Variants in MYO6 observed in about 807,000 individuals in gnomAD.
The protein encoded by MYO6 is unconventional myosin-VI.
A neutral mutation model predicts 178.7 loss-of-function variants in MYO6; 74 were observed. That is an observed-to-expected ratio of 0.41 (90% CI 0.34 to 0.50). MYO6 has a LOEUF of 0.50. Ranked by LOEUF, MYO6 falls within the 20% of genes least tolerant of loss-of-function variation. MYO6 has a pLI of 0.09. For missense variants in MYO6, 1,330 were observed against 1,547.4 expected, an observed-to-expected ratio of 0.86 and a Z score of 2.36; for synonymous variants, 477 against 504.6, an observed-to-expected ratio of 0.95 and a Z score of 0.73.
intron 1 of MYO6, among the ~76,000 whole-genome samples, chr6:75,795,420 A>T (rs1294645506): frequency 2.0e-5 from 3 of 152,356 alleles, no homozygotes; most frequent in African/African-American, 4.8e-5. Flanking sequence ...GCTTTGGATC[A>T]TATAATCAGT....
chr6:75,772,900 ATTATC>A (rs1766026759), intron 1 of MYO6, among the ~76,000 whole-genome samples: 2 of 152,208 alleles, frequency 1.3e-5, no homozygotes, highest in Non-Finnish European at 2.9e-5. Context: ...ATATTGTTCA[ATTATC>A]TTGTTCAAAT....
chr6:75,899,032 T>C (rs1046652351), intron 30 of MYO6, among the ~76,000 whole-genome samples: 16 of 152,194 alleles, frequency 1.1e-4, no homozygotes, highest in Admixed American at 8.5e-4. Flanking sequence ...CTTTACATGA[T>C]TGTCTTTATA....
chr6:75,828,159 AAATTCTGAGTATC>A (rs1336558369), intron 3 of MYO6, among the ~76,000 whole-genome samples: 3 of 152,186 alleles, frequency 2.0e-5, no homozygotes, highest in African/African-American at 7.2e-5. Flanking sequence ...TTTATCTGTG[AAATTCTGAGTATC>A]AGATTGGATT....
chr6:75,808,120 A>G lies in MYO6; in HGVS notation c.-47-9381A>G, dbSNP rs1275701836. 2.6e-5 allele frequency among the ~76,000 whole-genome samples: 4 copies of G among 152,256 alleles called. 1 individual carries two copies. Among genetic ancestry groups the G allele is most frequent in the Non-Finnish European group, 5.9e-5 (4 of 68,040 alleles). ...AAAACAGCAAGGAATACTTTATTCA[A>G]GGACTCTTGTGGTAGGGGTGGTATT... On this transcript the variant is annotated intron_variant, in intron 1 of 34. Transcript: ENST00000369977.
chr6:75,882,456 A>C lies in MYO6; in HGVS notation c.2416+638A>C, dbSNP rs932609684. Among the ~76,000 whole-genome samples the C allele has an allele frequency of 1.3e-4, 20 of 152,002 alleles. 1 individual carries two copies. The highest frequency in any genetic ancestry group is 1.3e-3 in the Admixed American group (20 of 15,248). Reference sequence around the variant, plus strand: ...TCAAGATCATGTAAAATGGTGTGTCAGTTTTTTGTTTCAGTCTCTTCCCCC... The same window carrying C: ...TCAAGATCATGTAAAATGGTGTGTCCGTTTTTTGTTTCAGTCTCTTCCCCC... On this transcript the variant is annotated intron_variant, in intron 23 of 34. Transcript: ENST00000369977.
intron 32 of MYO6, among the ~76,000 whole-genome samples, chr6:75,911,308 CATT>C (rs1582009458): frequency 6.6e-6 from 1 of 151,852 alleles, no homozygotes; most frequent in African/African-American, 2.4e-5. Context: ...GATGAATTCT[CATT>C]ATTTTCTATG....
At chr6:75,846,493 T>A (rs1400249213) in intron 10 of MYO6, among the ~76,000 whole-genome samples, 1 of 152,130 alleles carries the variant, frequency 6.6e-6, no homozygotes, top group Non-Finnish European at 1.5e-5. Context: ...ACCCTACAGT[T>A]AATTTTTGTT....
At chr6:75,811,974 A>C (rs1159711707) in intron 1 of MYO6, among the ~76,000 whole-genome samples, 1 of 152,178 alleles carries the variant, frequency 6.6e-6, no homozygotes, top group East Asian at 1.9e-4. Context: ...GCTTGTTAGA[A>C]AGTGGTGGAG....
intron 1 of MYO6, among the ~76,000 whole-genome samples, chr6:75,754,519 C>CAAAAAA (rs58162315): frequency 0.034 from 1,520 of 44,138 alleles, 465 homozygotes; most frequent in South Asian, 0.055. Context: ...GACTCCGTCT[C>CAAAAAA]AAAAAAAAAA....
At chr6:75,848,216 T>C in intron 10 of MYO6, 135 bp from the exon 11 acceptor site, 1 of 793,158 alleles carries the variant, frequency 1.3e-6, no homozygotes, top group Non-Finnish European at 2.1e-6. Flanking sequence ...TTTTGAATGT[T>C]AGAATAGTAA....
At chr6:75,817,300 G>A (rs1771362461) in intron 1 of MYO6, among the ~76,000 whole-genome samples, 4 of 130,488 alleles carry the variant, frequency 3.1e-5, no homozygotes, top group South Asian at 2.3e-4. Context: ...GTGAGATTCC[G>A]TCTCAAAAAA....
Position 75,914,292 on chromosome 6 carries a change from T to C in MYO6, c.3658+11T>C. On this transcript the variant is annotated intron_variant, in intron 34 of 34. Transcript: ENST00000369977. The stretch of plus-strand genomic sequence containing the variant: ...TCCTACTTGTGGCTGGTGTGTATGA[T>C]TCACATGGAAAACAAATTATAGAAC... The C allele has an allele frequency of 6.2e-7, 1 of 1,613,304 alleles. No individual in the cohort carries two copies. The highest frequency in any genetic ancestry group is 8.5e-7 in the Non-Finnish European group (1 of 1,179,252).
Position 75,898,396 on chromosome 6 carries a change from C to CG in MYO6, c.3161_3162insG (p.Glu1055ArgfsTer5). On this transcript the variant is annotated frameshift_variant, in exon 30 of 35. Coordinates refer to ENST00000369977, the MANE Select transcript of MYO6 (RefSeq NM_004999.4). LOFTEE classifies it high-confidence loss of function. The stretch of plus-strand genomic sequence containing the variant: ...AGGGAACAAATGGCCAAAGAAATGT[C>CG]AGAATTTTTGAGTAGGTTAGTGCAG... 1 of 1,610,238 alleles carries CG rather than the reference C, an allele frequency of 6.2e-7. No individual in the cohort carries two copies. Among genetic ancestry groups the CG allele is most frequent in the Non-Finnish European group, 8.5e-7 (1 of 1,176,774 alleles).
chr6:75,862,697 A>C lies in MYO6; in HGVS notation c.1648A>C (p.Lys550Gln). The C allele has an allele frequency of 6.2e-7, 1 of 1,614,136 alleles. No individual in the cohort carries two copies. The highest frequency in any genetic ancestry group is 1.1e-5 in the South Asian group (1 of 91,084). ...DQHFTSAVHQ[K>Q]HKDHFRLTIP... is the part of the protein sequence containing the mutation. ...ACACTTTACATCTGCAGTTCACCAA[A>C]AGCACAAGGATCATTTTCGACTCAC... is the stretch of plus-strand genomic sequence containing the variant. The change falls in exon 16 of 35, where the codon AAG becomes CAG. Residue 550 changes from lysine (K) to glutamine (Q), a missense_variant. Coordinates refer to ENST00000369977, the MANE Select transcript of MYO6 (RefSeq NM_004999.4).
intron 1 of MYO6, among the ~76,000 whole-genome samples, chr6:75,815,477 C>G (rs1381236170): frequency 1.3e-5 from 2 of 152,298 alleles, no homozygotes; most frequent in East Asian, 3.9e-4. Flanking sequence ...ATCACTCATA[C>G]ATAAATGGTA....
intron 31 of MYO6, 102 bp downstream of exon 31, chr6:75,907,810 G>GTGTGTGTA (rs1440053336): frequency 2.2e-5 from 18 of 824,230 alleles, no homozygotes; most frequent in Non-Finnish European, 3.0e-5. Flanking sequence ...GTGTGTGTGT[G>GTGTGTGTA]TGTGTGTATG....
chr6:75,872,919 G>T (rs751043979), intron 19 of MYO6, among the ~76,000 whole-genome samples: 5 of 151,638 alleles, frequency 3.3e-5, no homozygotes, highest in Non-Finnish European at 7.4e-5. Context: ...AGCTGGGATT[G>T]CCCACCACCA....
At chr6:75,805,002 C>CACAT (rs1554199386) in intron 1 of MYO6, among the ~76,000 whole-genome samples, 2 of 63,980 alleles carry the variant, frequency 3.1e-5, no homozygotes, top group African/African-American at 1.5e-4. Context: ...TACACACACA[C>CACAT]ATATATATAT....
intron 32 of MYO6, among the ~76,000 whole-genome samples, chr6:75,910,148 C>A (rs1018611373): frequency 1.3e-5 from 2 of 152,132 alleles, no homozygotes; most frequent in African/African-American, 4.8e-5. Flanking sequence ...TTGAACACAA[C>A]AAAATGATTA....
Sources: allele counts gnomAD v4.1 joint callset (sites outside exome capture counted in the v4.1 genomes callset), GRCh38; gene constraint gnomAD v4.1.1; transcripts MANE v1.5; gene names NCBI Gene and HGNC (gene_info 2026-07-23, HGNC 2026-07-21).